MYRIP: variants seen among roughly 807,000 people sequenced by gnomAD.
MYRIP encodes myosin VIIA and Rab interacting protein, also known as rab effector MyRIP.
In MYRIP, 49 loss-of-function variants were observed where a neutral mutation model predicts 98.0. The ratio of observed to expected loss-of-function variants is 0.50; its 90% confidence interval spans 0.40 to 0.63. The LOEUF is 0.63. Among genes scored for constraint, MYRIP ranks in the 30% least tolerant of loss-of-function variants. MYRIP has a pLI of 0.00. For missense variants in MYRIP, 1,004 were observed against 1,058.2 expected (o/e 0.95, Z 0.71); for synonymous variants, 404 against 409.5 (o/e 0.99, Z 0.16).
At chr3:40,040,860 T>A (rs1302767074) in intron 2 of MYRIP, among the ~76,000 whole-genome samples, 1 of 58,100 alleles carries the variant, frequency 1.7e-5, no homozygotes, top group African/African-American at 5.4e-5. Flanking sequence ...AGGGATAGCA[T>A]TGGGAGATAT....
intron 3 of MYRIP, among the ~76,000 whole-genome samples, chr3:40,062,144 G>T (rs913529564): frequency 6.6e-6 from 1 of 152,050 alleles, no homozygotes; most frequent in African/African-American, 2.4e-5. Flanking sequence ...AATTTCTTTT[G>T]GTGTATTTGT....
chr3:39,999,626 C>A (rs1035124628), intron 2 of MYRIP, among the ~76,000 whole-genome samples: 3 of 152,102 alleles, frequency 2.0e-5, no homozygotes, highest in African/African-American at 7.2e-5. Context: ...GGCTATTCCT[C>A]AGGGATCTAG....
intron 2 of MYRIP, among the ~76,000 whole-genome samples, chr3:39,904,861 A>T (rs1559517054): frequency 6.6e-6 from 1 of 152,182 alleles, no homozygotes; most frequent in Non-Finnish European, 1.5e-5. Flanking sequence ...TGATGCATTG[A>T]ATTTTTAATG....
At chr3:39,850,523 G>A (rs1020472378) in intron 1 of MYRIP, among the ~76,000 whole-genome samples, 1 of 152,158 alleles carries the variant, frequency 6.6e-6, no homozygotes, top group Non-Finnish European at 1.5e-5. Flanking sequence ...TTCTAAGTAA[G>A]TACCTGATAG....
intron 8 of MYRIP, among the ~76,000 whole-genome samples, chr3:40,179,514 T>C (rs774512305): frequency 3.9e-5 from 6 of 152,206 alleles, no homozygotes; most frequent in Non-Finnish European, 8.8e-5. Flanking sequence ...AAATGAAATA[T>C]TAAGTATTGT....
intron 2 of MYRIP, among the ~76,000 whole-genome samples, chr3:40,018,624 A>G (rs1252620410): frequency 1.3e-5 from 2 of 151,558 alleles, no homozygotes; most frequent in African/African-American, 4.9e-5. Context: ...TGCCCACATC[A>G]CCCTTCCTGC....
At chr3:39,909,545 G>C (rs1172489758) in intron 2 of MYRIP, among the ~76,000 whole-genome samples, 1 of 152,092 alleles carries the variant, frequency 6.6e-6, no homozygotes, top group African/African-American at 2.4e-5. Flanking sequence ...TATTAAGGCA[G>C]ACTCATGGGA....
At chr3:39,898,366 C>CT (rs1943664926) in intron 1 of MYRIP, among the ~76,000 whole-genome samples, 1 of 152,168 alleles carries the variant, frequency 6.6e-6, no homozygotes, top group African/African-American at 2.4e-5. Context: ...TTTAAATCAT[C>CT]TAGCAAAAGA....
At chr3:39,825,510 G>A (rs1381375647) in intron 1 of MYRIP, among the ~76,000 whole-genome samples, 1 of 152,140 alleles carries the variant, frequency 6.6e-6, no homozygotes. Context: ...ATTTGCAGGT[G>A]TTGAACCATC....
intron 3 of MYRIP, among the ~76,000 whole-genome samples, chr3:40,048,733 T>A (rs1489400557): frequency 6.6e-6 from 1 of 152,210 alleles, no homozygotes; most frequent in Admixed American, 6.5e-5. Context: ...GGTTCTTTGT[T>A]AGTAATTTTG....
At chr3:40,038,617 T>C (rs1355565188) in intron 2 of MYRIP, among the ~76,000 whole-genome samples, 1 of 152,100 alleles carries the variant, frequency 6.6e-6, no homozygotes, top group Non-Finnish European at 1.5e-5. Context: ...CCACTTTATA[T>C]CAACACACTT....
At chr3:40,207,537 T>C (rs1001735192) in intron 10 of MYRIP, among the ~76,000 whole-genome samples, 1 of 152,204 alleles carries the variant, frequency 6.6e-6, no homozygotes, top group African/African-American at 2.4e-5. Context: ...TCTGTTTTCT[T>C]CTAATCACCT....
chr3:40,046,481 C>T (rs1947670474), intron 3 of MYRIP, among the ~76,000 whole-genome samples: 1 of 150,382 alleles, frequency 6.6e-6, no homozygotes, highest in Admixed American at 6.7e-5. Flanking sequence ...ATGCATAGTA[C>T]AGAATGAGCC....
chr3:40,175,546 C>G (rs1950734908), intron 8 of MYRIP, among the ~76,000 whole-genome samples: 1 of 152,232 alleles, frequency 6.6e-6, no homozygotes, highest in South Asian at 2.1e-4. Flanking sequence ...TGTGGTTCCC[C>G]ATGTCTTGCC....
chr3:39,894,916 T>C (rs1214117570), intron 1 of MYRIP, among the ~76,000 whole-genome samples: 1 of 152,242 alleles, frequency 6.6e-6, no homozygotes, highest in Non-Finnish European at 1.5e-5. Context: ...TACTTACTTA[T>C]AGCCCCTCTA....
intron 3 of MYRIP, among the ~76,000 whole-genome samples, chr3:40,094,850 G>A (rs1356066471): frequency 1.3e-5 from 2 of 152,190 alleles, no homozygotes; most frequent in African/African-American, 2.4e-5. Flanking sequence ...TTCTGCTGAT[G>A]AGCTGCAGTT....
At chr3:40,246,112 A>G (rs920366758) in intron 13 of MYRIP, among the ~76,000 whole-genome samples, 11 of 151,658 alleles carry the variant, frequency 7.3e-5, no homozygotes, top group Admixed American at 5.2e-4. Context: ...CAATAAAACC[A>G]TATCTAGATA....
In MYRIP at chr3:39,902,098, G is replaced by A. The variant is rs546147674; in HGVS notation, c.110+1172G>A. 9.2e-5 allele frequency among the ~76,000 whole-genome samples: 14 copies of A among 152,270 alleles called. No individual in the cohort carries two copies. In the South Asian group the frequency reaches 2.1e-3, roughly 23 times the overall value. On this transcript the variant is annotated intron_variant, in intron 2 of 16. Transcript: ENST00000302541. ...ACGTCCCCAAGGTTTTTTGGCATAG[G>A]AAACTGAAGAATGAAGTTGTCATTC... is the stretch of plus-strand genomic sequence containing the variant.
chr3:40,230,046 A>G (rs887647267), intron 11 of MYRIP, among the ~76,000 whole-genome samples: 2 of 152,124 alleles, frequency 1.3e-5, no homozygotes, highest in African/African-American at 4.8e-5. Context: ...TTTACCAGCC[A>G]TTTTCATTCC....
Sources: gnomAD v4.1 joint callset for allele counts (sites outside exome capture counted in the v4.1 genomes callset) on GRCh38, gnomAD v4.1.1 for gene constraint, MANE v1.5 for transcripts, NCBI Gene and HGNC (gene_info 2026-07-23, HGNC 2026-07-21) for gene names.